SLF1: variants seen among roughly 807,000 people sequenced by gnomAD.
The protein encoded by SLF1 is SMC5-SMC6 complex localization factor protein 1.
SLF1 carries 105 observed loss-of-function variants against 123.0 expected under a neutral mutation model. The ratio of observed to expected loss-of-function variants is 0.85; its 90% CI spans 0.73 to 1.00. SLF1 has a LOEUF of 1.00. SLF1 is among the 50% of genes least tolerant of loss of function. The pLI, the probability that SLF1 is intolerant of heterozygous loss-of-function variation, is 0.00. For synonymous variants in SLF1, 434 were observed against 406.6 expected, an observed-to-expected ratio of 1.07 and a Z score of -0.81; for missense variants, 1,239 against 1,223.0, an observed-to-expected ratio of 1.01 and a Z score of -0.20.
At chr5:94,657,153 C>G (rs1748502242) in intron 9 of SLF1, among the ~76,000 whole-genome samples, 1 of 151,432 alleles carries the variant, frequency 6.6e-6, no homozygotes, top group Non-Finnish European at 1.5e-5. Context: ...TATTTGAGAT[C>G]TTTCTACTTT....
intron 15 of SLF1, among the ~76,000 whole-genome samples, chr5:94,685,137 G>A (rs1752269515): frequency 6.6e-6 from 1 of 152,204 alleles, no homozygotes; most frequent in Non-Finnish European, 1.5e-5. Context: ...TAGAGCCCCA[G>A]CCTTTTATGA....
intron 1 of SLF1, among the ~76,000 whole-genome samples, chr5:94,626,783 T>C (rs1319239237): frequency 6.6e-6 from 1 of 152,172 alleles, no homozygotes; most frequent in East Asian, 1.9e-4. Context: ...TTAGGATGTG[T>C]CAGAAAGCAT....
intron 9 of SLF1, among the ~76,000 whole-genome samples, chr5:94,656,188 A>G (rs964422730): frequency 5.3e-5 from 8 of 151,978 alleles, no homozygotes; most frequent in East Asian, 1.9e-4. Flanking sequence ...GCTTTTTTGC[A>G]TATATTGAAA....
chr5:94,695,061 T>A lies in SLF1; in HGVS notation c.2926T>A (p.Phe976Ile), dbSNP rs756502671. Reference sequence around the variant, plus strand: ...TTCAATTTTTGATTTATCTTCAGAGTTCATTTTAGCTTCCAAAGGGTTAAC... The same window carrying A: ...TTCAATTTTTGATTTATCTTCAGAGATCATTTTAGCTTCCAAAGGGTTAAC... ...FCSIFDLSSE[F>I]ILASKGLTHL... The change falls in exon 21 of 21, where the codon TTC becomes ATC. Residue 976 changes from phenylalanine to isoleucine, a missense_variant. By Grantham distance (21) the Phe-to-Ile change is conservative (BLOSUM62 0). Coordinates refer to ENST00000265140, the MANE Select transcript of SLF1 (RefSeq NM_032290.4). The A allele has an allele frequency of 5.0e-6, 8 of 1,612,428 alleles. No homozygotes were observed. In the East Asian group the frequency reaches 1.8e-4, roughly 36 times the overall value.
At chr5:94,654,909 T>C (rs976810107) in intron 9 of SLF1, among the ~76,000 whole-genome samples, 157 bp downstream of exon 9, 8 of 152,214 alleles carry the variant, frequency 5.3e-5, no homozygotes, top group African/African-American at 1.9e-4. Flanking sequence ...TACAGTAATG[T>C]ATTTGGACAT....
intron 1 of SLF1, among the ~76,000 whole-genome samples, chr5:94,624,481 AAATAATTT>A (rs1339552794): frequency 6.6e-6 from 1 of 152,202 alleles, no homozygotes; most frequent in Admixed American, 6.5e-5. Flanking sequence ...CAGTAAATCC[AAATAATTT>A]AATAATTTAT....
chr5:94,626,210 G>A lies in SLF1; in HGVS notation c.1-2601G>A, dbSNP rs560805827. The stretch of plus-strand genomic sequence containing the variant: ...GGAACTTGCACTGAGCCGAGATCAC[G>A]CCATTGCACTCCAGCCTGGGCGACA... On this transcript the variant is annotated intron_variant, in intron 1 of 20. Coordinates refer to ENST00000265140, the MANE Select transcript of SLF1 (RefSeq NM_032290.4). 3.4e-5 allele frequency among the ~76,000 whole-genome samples: 5 copies of A among 147,040 alleles called. No homozygotes were observed. In the East Asian group the frequency reaches 8.0e-4, roughly 23 times the overall value.
At chr5:94,684,262 A>C (rs1401466062) in intron 15 of SLF1, among the ~76,000 whole-genome samples, 1 of 152,190 alleles carries the variant, frequency 6.6e-6, no homozygotes, top group Non-Finnish European at 1.5e-5. Context: ...TAATGTATAT[A>C]ATTAGAGATT....
chr5:94,694,453 G>C (rs1211279579), intron 20 of SLF1, among the ~76,000 whole-genome samples: 1 of 151,788 alleles, frequency 6.6e-6, no homozygotes, highest in Non-Finnish European at 1.5e-5. Flanking sequence ...GTGATATTTT[G>C]AGATACCCCT....
intron 1 of SLF1, among the ~76,000 whole-genome samples, chr5:94,623,557 GT>G (rs2152462108): frequency 6.6e-6 from 1 of 151,142 alleles, no homozygotes; most frequent in East Asian, 1.9e-4. Flanking sequence ...CCCCCTATTA[GT>G]TCTAGAAAGA....
At position 94,695,488 on chromosome 5, in the gene SLF1, C is replaced by T; in HGVS notation, c.*176C>T. 1.6e-6 allele frequency: 1 copy of T among 608,158 alleles called. No individual in the cohort carries two copies. The highest frequency in any genetic ancestry group is 3.5e-5 in the Admixed American group (1 of 28,482). 37.7% of individuals were successfully genotyped at this position (608,158 alleles called of 1,614,324 possible). ...AACTTCTACAAAACTCTAGTATGGG[C>T]TTCTGACTTTTTCCAGGGTGTAGAA... On this transcript the variant is annotated 3_prime_UTR_variant, in exon 21 of 21. Coordinates refer to ENST00000265140, the MANE Select transcript of SLF1 (RefSeq NM_032290.4).
In SLF1 at chr5:94,651,778, G is replaced by A; in HGVS notation, c.815G>A (p.Gly272Asp). The part of the protein sequence containing the change: ...IQHHKKEKFS[G>D]SSKDLKFVKM... The stretch of plus-strand genomic sequence containing the variant: ...CATCACAAAAAAGAAAAATTCAGTG[G>A]TTCCAGTAAAGATTTGAAATTTGTT... Residue 272 changes from glycine (G) to aspartate (D), a missense_variant, in exon 7 of 21, where the codon GGT becomes GAT. Physicochemically the swap from Gly to Asp is moderately conservative, Grantham distance 94. Transcript: ENST00000265140. 6.6e-7 allele frequency: 1 copy of A among 1,524,442 alleles called. No individual in the cohort carries two copies. The highest frequency in any genetic ancestry group is 8.8e-7 in the Non-Finnish European group (1 of 1,130,714). The allele number at this position is 1,524,442 out of a possible 1,614,324, so 94.4% of individuals were successfully genotyped here.
intron 14 of SLF1, among the ~76,000 whole-genome samples, chr5:94,672,179 A>G (rs546886088): frequency 6.6e-6 from 1 of 152,212 alleles, no homozygotes; most frequent in South Asian, 2.1e-4. Flanking sequence ...TAACTGATAT[A>G]TCATGACTAC....
intron 11 of SLF1, 107 bp downstream of exon 11, chr5:94,664,015 T>C (rs1358478724): frequency 8.4e-7 from 1 of 1,187,954 alleles, no homozygotes; most frequent in Non-Finnish European, 1.1e-6. Context: ...GTTCAGTGTT[T>C]TTTTTTCTTC....
intron 4 of SLF1, 74 bp from the exon 5 acceptor site, chr5:94,643,199 T>C: frequency 8.3e-7 from 1 of 1,206,322 alleles, no homozygotes; most frequent in Non-Finnish European, 1.1e-6. Flanking sequence ...TCCTAAGAAA[T>C]AATTAATTTA....
intron 4 of SLF1, among the ~76,000 whole-genome samples, chr5:94,635,187 TC>T (rs1279533452): frequency 1.3e-5 from 2 of 152,072 alleles, no homozygotes; most frequent in Non-Finnish European, 2.9e-5. Flanking sequence ...TTACAGTTTT[TC>T]AATGTAAATT....
Position 94,678,868 on chromosome 5 carries a change from T to G in SLF1, c.1888T>G (p.Trp630Gly). The change falls in exon 15 of 21, where the codon TGG becomes GGG. Residue 630 changes from tryptophan to glycine, a missense_variant. Trp to Gly is a radical substitution (Grantham distance 184). Coordinates refer to ENST00000265140, the MANE Select transcript of SLF1 (RefSeq NM_032290.4). ...AATTCTTGGAGCAGCAATAGATTAT[T>G]GGATTTTCCTTGGTCTTAAGATGGG... is the stretch of plus-strand genomic sequence containing the variant. Reference protein sequence around the residue: ...AGILGAAIDYWIFLGLKMGRN... With the variant: ...AGILGAAIDYGIFLGLKMGRN... 6.2e-7 allele frequency: 1 copy of G among 1,613,786 alleles called. No individual in the cohort carries two copies. The highest frequency in any genetic ancestry group is 8.5e-7 in the Non-Finnish European group (1 of 1,179,804).
At position 94,619,250 on chromosome 5, in the gene SLF1, C is replaced by G. The variant is rs527999427; in HGVS notation, c.-1+485C>G. ...ATACCCCAGGCCCACTTTCCTGTGA[C>G]GAAGAAAATTGTGTCATTCTTTCCT... On this transcript the variant is annotated intron_variant, in intron 1 of 20. Coordinates refer to ENST00000265140, the MANE Select transcript of SLF1 (RefSeq NM_032290.4). 2.6e-5 allele frequency among the ~76,000 whole-genome samples: 4 copies of G among 152,074 alleles called. No homozygotes were observed. In the East Asian group the frequency reaches 7.7e-4, roughly 29 times the overall value.
rs745461678 is a variant in SLF1 at position 94,689,474 on chromosome 5, G to T, written c.2287G>T (p.Asp763Tyr). 4 of 1,610,614 alleles carry T rather than the reference G, an allele frequency of 2.5e-6. No homozygotes were observed. The highest frequency in any genetic ancestry group is 1.1e-5 in the South Asian group (1 of 90,226). ...KQVEGLPELL[D>Y]LNLAKCSSSL... is the part of the protein sequence containing the mutation. ...ATTATTTCTTACTTTTCCTTTCAGA[G>T]ACCTGAACCTTGCTAAATGTTCCTC... Residue 763 changes from aspartate (D) to tyrosine (Y), a missense_variant and splice_region_variant, in exon 18 of 21, where the codon GAC becomes TAC. Coordinates refer to ENST00000265140, the MANE Select transcript of SLF1 (RefSeq NM_032290.4).
Sources: gnomAD v4.1 joint callset for allele counts (sites outside exome capture counted in the v4.1 genomes callset) on GRCh38, gnomAD v4.1.1 for gene constraint, MANE v1.5 for transcripts, NCBI Gene and HGNC (gene_info 2026-07-23, HGNC 2026-07-21) for gene names.